The following SLC36A2 variants were observed in gnomAD, a reference collection of about 807,000 sequenced individuals.
SLC36A2 encodes solute carrier family 36 member 2.
In SLC36A2, 39 loss-of-function variants were observed where a neutral mutation model predicts 42.7. The ratio of observed to expected loss-of-function variants is 0.91; its 90% confidence interval spans 0.71 to 1.19. The LOEUF (loss-of-function observed/expected upper bound fraction) is 1.19. SLC36A2 is among the 50% of genes most tolerant of loss of function. The pLI is 0.00. For synonymous variants in SLC36A2, 237 were observed against 240.8 expected (o/e 0.98, Z 0.15); for missense variants, 590 against 613.7 (o/e 0.96, Z 0.41).
intron 7 of SLC36A2, among the ~76,000 whole-genome samples, chr5:151,329,631 A>T (rs142969280): frequency 9.2e-5 from 14 of 151,958 alleles, no homozygotes; most frequent in Non-Finnish European, 1.5e-4. Flanking sequence ...TGGAAATATT[A>T]TAACTGGAAA....
At chr5:151,342,400 A>T (rs1190760578) in intron 4 of SLC36A2, among the ~76,000 whole-genome samples, 1 of 152,068 alleles carries the variant, frequency 6.6e-6, no homozygotes, top group Non-Finnish European at 1.5e-5. Context: ...CTTCCTGCAG[A>T]ACTCATCTCA....
intron 7 of SLC36A2, among the ~76,000 whole-genome samples, chr5:151,326,692 G>A (rs1158622867): frequency 6.6e-6 from 1 of 151,638 alleles, no homozygotes; most frequent in African/African-American, 2.4e-5. Context: ...GGCTCTTATT[G>A]TCCTGGAGAC....
At chr5:151,340,918 C>T (rs937817928) in intron 4 of SLC36A2, among the ~76,000 whole-genome samples, 1 of 152,126 alleles carries the variant, frequency 6.6e-6, no homozygotes, top group African/African-American at 2.4e-5. Flanking sequence ...ATTCAGTAGA[C>T]ATTTGTTGAA....
intron 4 of SLC36A2, among the ~76,000 whole-genome samples, chr5:151,340,208 A>T (rs576765144): frequency 3.1e-5 from 4 of 127,634 alleles, no homozygotes; most frequent in East Asian, 2.5e-4. Context: ...GGAGGAGAGG[A>T]GGAGGAGGGA....
In SLC36A2 at chr5:151,344,236, C is replaced by G; in HGVS notation, c.196G>C (p.Gly66Arg). 6.2e-7 allele frequency: 1 copy of G among 1,614,118 alleles called. No homozygotes were observed. Among genetic ancestry groups the G allele is most frequent in the South Asian group, 1.1e-5 (1 of 91,048 alleles). ...CCCAGGATCCCTGTGCCCATGTTGC[C>G]TTTCACCAGGTGAATCAAGGCCTGG... Reference protein sequence around the residue: ...VFQALIHLVKGNMGTGILGLP... With the variant: ...VFQALIHLVKRNMGTGILGLP... The change falls in exon 2 of 10, where the codon GGC (glycine) becomes CGC (arginine). Residue 66 changes from glycine to arginine, a missense_variant. Physicochemically the swap from Gly to Arg is moderately radical, Grantham distance 125. Coordinates refer to ENST00000335244, the MANE Select transcript of SLC36A2 (RefSeq NM_181776.3).
intron 9 of SLC36A2, among the ~76,000 whole-genome samples, 199 bp from the exon 10 acceptor site, chr5:151,317,287 A>T (rs569579939): frequency 5.9e-5 from 9 of 152,194 alleles, no homozygotes; most frequent in African/African-American, 2.2e-4. Flanking sequence ...TCCCATCTCT[A>T]CTAAAAATAC....
At chr5:151,343,367 C>T in intron 3 of SLC36A2, 143 bp downstream of exon 3, 2 of 853,844 alleles carry the variant, frequency 2.3e-6, no homozygotes, top group Admixed American at 1.9e-5. Context: ...ACCTGAGCTC[C>T]CTGCCCCTGA....
Position 151,335,467 on chromosome 5 carries a change from TCGCGAG to T in SLC36A2, c.600_605del (p.Asp200_Arg202delinsGlu), listed in dbSNP as rs760369617. 40 of 1,613,758 alleles carry T rather than the reference TCGCGAG, an allele frequency of 2.5e-5. No individual in the cohort carries two copies. Among genetic ancestry groups the T allele is most frequent in the Non-Finnish European group, 3.2e-5 (38 of 1,179,930 alleles). On this transcript the variant is annotated inframe_deletion, in exon 6 of 10. Coordinates refer to ENST00000335244, the MANE Select transcript of SLC36A2 (RefSeq NM_181776.3). ...AGGGCAGGAAGGAGAGCATGTAGAG[TCGCGAG>T]TCCATGGTGGGGGTCAGAATCACCG...
Position 151,333,258 on chromosome 5 carries a change from C to T in SLC36A2, c.809G>A (p.Gly270Glu), listed in dbSNP as rs1370975742. The change falls in exon 7 of 10, where the codon GGA (glycine) becomes GAA (glutamate). Residue 270 changes from glycine (G) to glutamate (E), a missense_variant. By Grantham distance (98) the Gly-to-Glu change is moderately conservative. Transcript: ENST00000335244. ...GCTTTCAAAAGAAAAAATGGCTGTTCCGAAGAAGAGAGGGTAGGTCTTCCA... is the reference window on the plus strand; with the variant it reads ...GCTTTCAAAAGAAAAAATGGCTGTTTCGAAGAAGAGAGGGTAGGTCTTCCA... ...ASWKTYPLFF[G>E]TAIFSFESIG... 10 of 1,614,026 alleles carry T rather than the reference C, an allele frequency of 6.2e-6. No homozygotes were observed. The highest frequency in any genetic ancestry group is 8.5e-6 in the Non-Finnish European group (10 of 1,179,958).
rs970449409 is a variant in SLC36A2 at position 151,339,242 on chromosome 5, G to C, written c.441-98C>G. On this transcript the variant is annotated intron_variant, in intron 4 of 9. Coordinates refer to ENST00000335244, the MANE Select transcript of SLC36A2 (RefSeq NM_181776.3). Reference sequence around the variant, plus strand: ...ATTCTGCCCTCTGTTCCCAGGGATTGGTTGCCCTGTACCAGCACACTTGGT... The same window carrying C: ...ATTCTGCCCTCTGTTCCCAGGGATTCGTTGCCCTGTACCAGCACACTTGGT... 1.5e-4 allele frequency: 134 copies of C among 868,214 alleles called. 1 individual carries two copies. In the Middle Eastern group the frequency reaches 1.8e-3, roughly 12 times the overall value. The allele number at this position is 868,214 out of a possible 1,614,324, so 53.8% of individuals were successfully genotyped here. A position where few individuals can be genotyped will look rare whatever the true frequency, so the allele number is the denominator to read the frequency against.
intron 7 of SLC36A2, among the ~76,000 whole-genome samples, chr5:151,330,457 T>C (rs1389752064): frequency 6.6e-6 from 1 of 152,132 alleles, no homozygotes; most frequent in Non-Finnish European, 1.5e-5. Context: ...AAAAATATCC[T>C]CTAGGAATAA....
At chr5:151,324,718 C>A (rs1289527670) in intron 8 of SLC36A2, among the ~76,000 whole-genome samples, 1 of 152,136 alleles carries the variant, frequency 6.6e-6, no homozygotes, top group Non-Finnish European at 1.5e-5. Context: ...CTTCTGTAAC[C>A]TCAAACTCCT....
At position 151,322,051 on chromosome 5, in the gene SLC36A2, A is replaced by C; in HGVS notation, c.1175T>G (p.Leu392Arg). ...DLSIRLVMVC[L>R]TCLLAILIPR... ...GCACTCTCCTTTCTACTCACATGTC[A>C]GGCAGACCATGACGAGGCGAATGGA... The change falls in exon 9 of 10, where the codon CTG (leucine) becomes CGG (arginine). Residue 392 changes from leucine to arginine, a missense_variant. Physicochemically the swap from Leu to Arg is moderately radical, Grantham distance 102 (BLOSUM62 -2). Transcript: ENST00000335244. 1 of 1,614,202 alleles carries C rather than the reference A, an allele frequency of 6.2e-7. No individual in the cohort carries two copies. Among genetic ancestry groups the C allele is most frequent in the Non-Finnish European group, 8.5e-7 (1 of 1,180,020 alleles).
In SLC36A2 at chr5:151,323,875, G is replaced by A. The variant is rs186113293; in HGVS notation, c.1010+1411C>T. 3.1e-3 allele frequency among the ~76,000 whole-genome samples: 479 copies of A among 152,320 alleles called. 2 individuals carry two copies. Among genetic ancestry groups the A allele is most frequent in the Non-Finnish European group, 4.8e-3 (327 of 68,034 alleles). On this transcript the variant is annotated intron_variant, in intron 8 of 9. Coordinates refer to ENST00000335244, the MANE Select transcript of SLC36A2 (RefSeq NM_181776.3). ...TATAATTGGCATGCAGTAAATGCTT[G>A]ATGAGTGGCATTATCATGTTGGGAA... is the stretch of plus-strand genomic sequence containing the variant.
In SLC36A2 at chr5:151,325,352, G is replaced by A; in HGVS notation, c.944C>T (p.Ala315Val). The A allele has an allele frequency of 6.2e-7, 1 of 1,614,126 alleles. No individual in the cohort carries two copies. Among genetic ancestry groups the A allele is most frequent in the Non-Finnish European group, 8.5e-7 (1 of 1,180,014 alleles). ...ATCTCCAAACCGCAGGTAGCCCAGA[G>A]CCGCCATGCCAATGTATAGGGAAGT... ...IVTSLYIGMAALGYLRFGDDI... is the reference protein window; with the variant it reads ...IVTSLYIGMAVLGYLRFGDDI... The change falls in exon 8 of 10, where the codon GCT becomes GTT. Residue 315 changes from alanine (A) to valine (V), a missense_variant. Transcript: ENST00000335244.
chr5:151,336,554 A>G (rs1292821910), intron 5 of SLC36A2, among the ~76,000 whole-genome samples: 1 of 150,868 alleles, frequency 6.6e-6, no homozygotes, highest in African/African-American at 2.4e-5. Flanking sequence ...TAATTGACAC[A>G]ATACTGGCAT....
At chr5:151,322,493 G>A (rs1284000510) in intron 8 of SLC36A2, among the ~76,000 whole-genome samples, 1 of 152,146 alleles carries the variant, frequency 6.6e-6, no homozygotes, top group African/African-American at 2.4e-5. Flanking sequence ...TTCGCAAATC[G>A]CTACCATCTG....
intron 5 of SLC36A2, among the ~76,000 whole-genome samples, chr5:151,337,329 C>T (rs1307501727): frequency 6.6e-6 from 1 of 152,206 alleles, no homozygotes; most frequent in Non-Finnish European, 1.5e-5. Context: ...ATGCACCACC[C>T]CCCGGAGGAG....
chr5:151,318,828 A>G (rs1355262519), intron 9 of SLC36A2, among the ~76,000 whole-genome samples: 1 of 152,126 alleles, frequency 6.6e-6, no homozygotes, highest in Non-Finnish European at 1.5e-5. Context: ...AGAAACACGA[A>G]AAGCTAAAAA....
Sources: gnomAD v4.1 joint callset for allele counts (sites outside exome capture counted in the v4.1 genomes callset) on GRCh38, gnomAD v4.1.1 for gene constraint, MANE v1.5 for transcripts, NCBI Gene and HGNC (gene_info 2026-07-23, HGNC 2026-07-21) for gene names.